The following MFHAS1 variants were observed in gnomAD, a reference collection of about 807,000 sequenced individuals.
MFHAS1 encodes the protein malignant fibrous histiocytoma-amplified sequence 1.
Under a neutral mutation model 70.4 loss-of-function variants are expected in MFHAS1, and 50 were observed. The ratio of observed to expected loss-of-function variants is 0.71; its 90% CI spans 0.57 to 0.90. The LOEUF is 0.90. Among genes scored for constraint, MFHAS1 ranks in the 40% least tolerant of loss-of-function variants. The pLI, the probability that MFHAS1 is intolerant of heterozygous loss-of-function variation, is 0.00. For synonymous variants in MFHAS1, 952 were observed against 620.0 expected (o/e 1.54, Z -7.96); for missense variants, 1,795 against 1,347.6 (o/e 1.33, Z -5.20).
chr8:8,858,082 C>T (rs1808512781), intron 1 of MFHAS1, among the ~76,000 whole-genome samples: 1 of 152,200 alleles, frequency 6.6e-6, no homozygotes, highest in Non-Finnish European at 1.5e-5. Flanking sequence ...GCCTGACAGC[C>T]TTTGACCTAT....
chr8:8,826,700 T>G (rs1037220796), intron 1 of MFHAS1, among the ~76,000 whole-genome samples: 5 of 152,194 alleles, frequency 3.3e-5, no homozygotes, highest in Non-Finnish European at 7.3e-5. Flanking sequence ...GCCACTGCAC[T>G]CCAGCCTGGG....
intron 1 of MFHAS1, among the ~76,000 whole-genome samples, chr8:8,832,089 C>CACAA (rs1554481392): frequency 0.013 from 1,977 of 151,130 alleles, 38 homozygotes; most frequent in African/African-American, 0.045. Context: ...CACACACACA[C>CACAA]GCACCAAAGT....
rs750288592 is a variant in MFHAS1 at position 8,890,366 on chromosome 8, T to C, written c.2693A>G (p.Tyr898Cys). ...CACATGGCTGTTGATCTGGACACTG[T>C]AGCGTGCAAACAACCCAAGTGGAAA... ...FTFPLGLFAR[Y>C]SVQINSHVVH... is the part of the protein sequence containing the mutation. The change falls in exon 1 of 3, where the codon TAC (tyrosine) becomes TGC (cysteine). Residue 898 changes from tyrosine (Y) to cysteine (C), a missense_variant. By Grantham distance (194) the Tyr-to-Cys change is radical. Coordinates refer to ENST00000276282, the MANE Select transcript of MFHAS1 (RefSeq NM_004225.3). The C allele has an allele frequency of 1.9e-6, 3 of 1,614,182 alleles. No homozygotes were observed. The highest frequency in any genetic ancestry group is 1.3e-5 in the African/African-American group (1 of 75,046).
intron 1 of MFHAS1, among the ~76,000 whole-genome samples, chr8:8,855,223 G>A (rs1386262277): frequency 6.6e-6 from 1 of 152,212 alleles, no homozygotes; most frequent in Non-Finnish European, 1.5e-5. Context: ...AAAGTGCTGG[G>A]ATCACAGGCG....
At chr8:8,884,049 C>T (rs1280425245) in intron 1 of MFHAS1, among the ~76,000 whole-genome samples, 1 of 90,760 alleles carries the variant, frequency 1.1e-5, no homozygotes, top group Non-Finnish European at 2.2e-5. Context: ...CAAACACACA[C>T]ACACACACAC....
intron 1 of MFHAS1, among the ~76,000 whole-genome samples, chr8:8,845,326 A>T (rs572955391): frequency 7.8e-4 from 118 of 152,238 alleles, no homozygotes; most frequent in Non-Finnish European, 1.1e-3. Context: ...AATATTGGCA[A>T]GATTACAATT....
At chr8:8,803,918 G>A (rs543336289) in intron 1 of MFHAS1, among the ~76,000 whole-genome samples, 1 of 152,224 alleles carries the variant, frequency 6.6e-6, no homozygotes, top group East Asian at 1.9e-4. Flanking sequence ...GTTTCAGTAA[G>A]CCGAGACTGT....
rs1805449329 is a variant in MFHAS1 at position 8,784,036 on chromosome 8, T to A, written c.*1986A>T. ...TCAAAAATATTAGATATTAAGAATGTGGGCGTTTATGTTCGTAACAGCAAA... is the reference window on the plus strand; with the variant it reads ...TCAAAAATATTAGATATTAAGAATGAGGGCGTTTATGTTCGTAACAGCAAA... On this transcript the variant is annotated 3_prime_UTR_variant, in exon 3 of 3. Transcript: ENST00000276282. The A allele has an allele frequency of 1.3e-5, 2 of 152,176 alleles. No individual in the cohort carries two copies. The highest frequency in any genetic ancestry group is 6.5e-5 in the Admixed American group (1 of 15,280). The allele number at this position is 152,176 out of a possible 1,614,324, so 9.4% of individuals were successfully genotyped here. A position where few individuals can be genotyped will look rare whatever the true frequency, so the allele number is the denominator to read the frequency against.
At chr8:8,842,880 T>G (rs1029431684) in intron 1 of MFHAS1, among the ~76,000 whole-genome samples, 7 of 152,346 alleles carry the variant, frequency 4.6e-5, no homozygotes, top group African/African-American at 1.7e-4. Context: ...ATCTCTCCAA[T>G]TTCTCACTTG....
intron 1 of MFHAS1, among the ~76,000 whole-genome samples, chr8:8,876,777 C>G (rs949786239): frequency 6.6e-6 from 1 of 151,838 alleles, no homozygotes; most frequent in African/African-American, 2.4e-5. Context: ...GAAGAAAAGA[C>G]TTTTTATCCA....
chr8:8,848,712 T>G (rs958867712), intron 1 of MFHAS1, among the ~76,000 whole-genome samples: 1 of 152,208 alleles, frequency 6.6e-6, no homozygotes, highest in Non-Finnish European at 1.5e-5. Context: ...TTTTGGTCCT[T>G]ACATTAGGAC....
intron 1 of MFHAS1, among the ~76,000 whole-genome samples, chr8:8,812,042 C>T (rs1223430019): frequency 1.3e-5 from 2 of 152,190 alleles, no homozygotes; most frequent in African/African-American, 4.8e-5. Flanking sequence ...TGCTGTCTTA[C>T]CAGATTACTG....
At chr8:8,866,274 A>C (rs1362192642) in intron 1 of MFHAS1, among the ~76,000 whole-genome samples, 1 of 151,838 alleles carries the variant, frequency 6.6e-6, no homozygotes, top group East Asian at 1.9e-4. Context: ...ATGGGAACCT[A>C]GAACAGGGAT....
intron 1 of MFHAS1, among the ~76,000 whole-genome samples, chr8:8,838,811 CA>C (rs33959926): frequency 8.7e-4 from 118 of 136,160 alleles, no homozygotes; most frequent in Non-Finnish European, 9.2e-4. Flanking sequence ...GACCCTGCCT[CA>C]AAAAAAAAAA....
At chr8:8,871,268 A>T (rs970012738) in intron 1 of MFHAS1, among the ~76,000 whole-genome samples, 3 of 152,162 alleles carry the variant, frequency 2.0e-5, no homozygotes, top group Non-Finnish European at 4.4e-5. Flanking sequence ...AACTACTTGC[A>T]GCTGGGCGTG....
At chr8:8,840,461 CAAAA>C (rs141909980) in intron 1 of MFHAS1, among the ~76,000 whole-genome samples, 3 of 82,112 alleles carry the variant, frequency 3.7e-5, no homozygotes, top group African/African-American at 4.2e-5. Context: ...CATCTCAATA[CAAAA>C]AAAAAAAAAA....
rs544927448 is a variant in MFHAS1, at chr8:8,892,083, G to T, written c.976C>A (p.Leu326Met). Residue 326 changes from leucine (L) to methionine (M), a missense_variant, in exon 1 of 3, where the codon CTG becomes ATG. By Grantham distance (15) the Leu-to-Met change is conservative (BLOSUM62 2). Coordinates refer to ENST00000276282, the MANE Select transcript of MFHAS1 (RefSeq NM_004225.3). This position sits in a 1 kb window ranked among gnomAD's most constrained non-coding sequence, Gnocchi z 4.7. ...AGGTAGCGGATGCGGTTATTATCCA[G>T]CCACAAGGTGAGAAGCCGGCCCAGG... Reference protein sequence around the residue: ...SGLGRLLTLWLDNNRIRYLPD... With the variant: ...SGLGRLLTLWMDNNRIRYLPD... 5.0e-6 allele frequency: 8 copies of T among 1,613,512 alleles called. No homozygotes were observed. In the South Asian group the frequency reaches 7.7e-5, roughly 15 times the overall value.
chr8:8,814,849 CTTTTTTTTT>C (rs34438669), intron 1 of MFHAS1, among the ~76,000 whole-genome samples: 2 of 130,430 alleles, frequency 1.5e-5, no homozygotes, highest in African/African-American at 2.8e-5. Flanking sequence ...GCTAGAATTT[CTTTTTTTTT>C]TTTTTTTTTC....
intron 1 of MFHAS1, among the ~76,000 whole-genome samples, chr8:8,884,387 A>G (rs1264675457): frequency 6.6e-6 from 1 of 152,230 alleles, no homozygotes; most frequent in Non-Finnish European, 1.5e-5. Flanking sequence ...GAGATATTGA[A>G]AAACCTTTGT....
Sources: gnomAD v4.1 joint callset for allele counts (sites outside exome capture counted in the v4.1 genomes callset) on GRCh38, gnomAD v4.1.1 for gene constraint, Gnocchi (gnomAD v3.1) non-coding constraint, MANE v1.5 for transcripts, NCBI Gene and HGNC (gene_info 2026-07-23, HGNC 2026-07-21) for gene names.